The following HYOU1 variants were observed in gnomAD, a reference collection of about 807,000 sequenced individuals.
HYOU1 encodes the protein hypoxia up-regulated 1.
HYOU1 carries 40 observed loss-of-function variants against 120.5 expected under a neutral mutation model. That is an observed-to-expected ratio of 0.33 (90% CI 0.26 to 0.43). The LOEUF (loss-of-function observed/expected upper bound fraction) is 0.43. Among genes scored for constraint, HYOU1 ranks in the 20% least tolerant of loss-of-function variants. The pLI, the probability that HYOU1 is intolerant of heterozygous loss-of-function variation, is 1.00. For synonymous variants in HYOU1, 501 were observed against 479.4 expected (o/e 1.05, Z -0.59); for missense variants, 1,085 against 1,278.3 (o/e 0.85, Z 2.31).
Position 119,046,729 on chromosome 11 carries a change from T to C in HYOU1, c.2669A>G (p.Asp890Gly). The C allele has an allele frequency of 1.2e-6, 2 of 1,610,436 alleles. No homozygotes were observed. The highest frequency in any genetic ancestry group is 1.7e-6 in the Non-Finnish European group (2 of 1,180,012). The stretch of plus-strand genomic sequence containing the variant: ...CAGGGCCATCATCTTAGCTTCAATG[T>C]CTTTTGAGAGCAACACAGGCTTCTC... ...ATEKPVLLSK[D>G]IEAKMMALDR... is the part of the protein sequence containing the mutation. The change falls in exon 23 of 26, where the codon GAC becomes GGC. Residue 890 changes from aspartate (D) to glycine (G), a missense_variant. Asp to Gly is a moderately conservative substitution (Grantham distance 94). Around this residue, in one of 4 missense-constraint regions of HYOU1, gnomAD observed 516 missense variants for 517.1 expected, o/e 1.00. Coordinates refer to ENST00000617285, the MANE Select transcript of HYOU1 (RefSeq NM_006389.5).
chr11:119,055,483 G>C lies in HYOU1; in HGVS notation c.264+10C>G. On this transcript the variant is annotated intron_variant, in intron 4 of 25. Transcript: ENST00000617285. The surrounding 1 kb of genome is among the most constrained non-coding windows in gnomAD (Gnocchi z 4.0). Reference sequence around the variant, plus strand: ...GCCCACCACTCTGGGAAGAGGGACTGCTAGCTCACCATGCTTGCTGCACTG... The same window carrying C: ...GCCCACCACTCTGGGAAGAGGGACTCCTAGCTCACCATGCTTGCTGCACTG... 6.2e-7 allele frequency: 1 copy of C among 1,613,338 alleles called. No homozygotes were observed. Among genetic ancestry groups the C allele is most frequent in the South Asian group, 1.1e-5 (1 of 91,064 alleles).
chr11:119,049,989 C>T, intron 14 of HYOU1, 152 bp from the exon 15 acceptor site: 2 of 722,318 alleles, frequency 2.8e-6, no homozygotes, highest in South Asian at 1.6e-5. Flanking sequence ...GGTGGCTGCC[C>T]ATCTCCTTTG....
In HYOU1 at chr11:119,047,911, T is replaced by C. The variant is rs2133559296; in HGVS notation, c.2510+36A>G. ...TGGTAGGAATGAAAACCAGTGGCCT[T>C]GGCAGGACTGCAAAAAGGGTTCAGG... On this transcript the variant is annotated intron_variant, in intron 21 of 25. Coordinates refer to ENST00000617285, the MANE Select transcript of HYOU1 (RefSeq NM_006389.5). The C allele has an allele frequency of 3.1e-6, 5 of 1,613,784 alleles. No homozygotes were observed. In the African/African-American group the frequency reaches 6.7e-5, roughly 22 times the overall value.
chr11:119,051,385 G>A lies in HYOU1; in HGVS notation c.1526+53C>T, dbSNP rs1465986807. 5.1e-6 allele frequency: 8 copies of A among 1,581,830 alleles called. No homozygotes were observed. Among genetic ancestry groups the A allele is most frequent in the Non-Finnish European group, 6.1e-6 (7 of 1,155,374 alleles). ...TCACCCCCAGTCCTCAGATTATCCA[G>A]CAGCCACGCCTCCCCCTCCCTGGAG... On this transcript the variant is annotated intron_variant, in intron 13 of 25. Transcript: ENST00000617285. This position sits in a 1 kb window ranked among gnomAD's most constrained non-coding sequence, Gnocchi z 4.2.
rs568044056 is a variant in HYOU1 at position 119,051,687 on chromosome 11, G to T, written c.1339-62C>A. ...CTAGAGAACCCGAGTAGGTTCTGGG[G>T]TAAGGATGGGGGTGGGATGGGGGAG... On this transcript the variant is annotated intron_variant, in intron 12 of 25. Coordinates refer to ENST00000617285, the MANE Select transcript of HYOU1 (RefSeq NM_006389.5). This position sits in a 1 kb window ranked among gnomAD's most constrained non-coding sequence, Gnocchi z 4.2. The T allele has an allele frequency of 2.5e-6, 4 of 1,585,194 alleles. No individual in the cohort carries two copies. Among genetic ancestry groups the T allele is most frequent in the South Asian group, 1.1e-5 (1 of 89,818 alleles).
chr11:119,048,196 G>A lies in HYOU1; in HGVS notation c.2376+52C>T, dbSNP rs2133561616. 3 of 1,606,480 alleles carry A rather than the reference G, an allele frequency of 1.9e-6. No individual in the cohort carries two copies. The highest frequency in any genetic ancestry group is 4.5e-5 in the East Asian group (2 of 44,794). ...AGCTCTTCTCTCTCTCTGACCCTGG[G>A]AGAGGAAGGAGAGCTCCCACTCCAC... On this transcript the variant is annotated intron_variant, in intron 20 of 25. Transcript: ENST00000617285. The surrounding 1 kb of genome is among the most constrained non-coding windows in gnomAD (Gnocchi z 4.7).
rs1944225449 is a variant in HYOU1, at chr11:119,048,553, A to G, written c.2176T>C (p.Leu726=). 2 of 1,613,970 alleles carry G rather than the reference A, an allele frequency of 1.2e-6. No individual in the cohort carries two copies. Among genetic ancestry groups the G allele is most frequent in the Non-Finnish European group, 1.7e-6 (2 of 1,179,980 alleles). ...LAQSVQKLQD[L]TLRDLEKQER... ...TGCTTCTCCAGGTCTCGGAGTGTCAAGTCCTGAAGTCTATGGGACAAAGGA... is the reference window on the plus strand; with the variant it reads ...TGCTTCTCCAGGTCTCGGAGTGTCAGGTCCTGAAGTCTATGGGACAAAGGA... Residue 726 remains leucine (L), a synonymous_variant, in exon 19 of 26, where the codon TTG becomes CTG. Coordinates refer to ENST00000617285, the MANE Select transcript of HYOU1 (RefSeq NM_006389.5). The surrounding 1 kb of genome is among the most constrained non-coding windows in gnomAD (Gnocchi z 4.7).
chr11:119,054,462 C>A (rs2133605033), intron 7 of HYOU1, 32 bp downstream of exon 7: 1 of 1,608,000 alleles, frequency 6.2e-7, no homozygotes, highest in South Asian at 1.1e-5. Flanking sequence ...TTCAGTCACC[C>A]TGCATGTCTG....
At position 119,048,521 on chromosome 11, in the gene HYOU1, C is replaced by T. The variant is rs2133565044; in HGVS notation, c.2208G>A (p.Arg736=). 1 of 1,614,072 alleles carries T rather than the reference C, an allele frequency of 6.2e-7. No individual in the cohort carries two copies. The highest frequency in any genetic ancestry group is 2.2e-5 in the East Asian group (1 of 44,886). ...LTLRDLEKQE[R]EKAANSLEAF... is the part of the protein sequence containing the mutation. The stretch of plus-strand genomic sequence containing the variant: ...CTTCCAAGCTGTTGGCAGCTTTTTC[C>T]CGTTCCTGCTTCTCCAGGTCTCGGA... The change falls in exon 19 of 26, where the codon CGG becomes CGA. Residue 736 remains arginine, a synonymous_variant. Transcript: ENST00000617285. This position sits in a 1 kb window ranked among gnomAD's most constrained non-coding sequence, Gnocchi z 4.7.
chr11:119,053,854 C>A, intron 8 of HYOU1: 1 of 358,056 alleles, frequency 2.8e-6, no homozygotes, highest in Non-Finnish European at 5.1e-6. Flanking sequence ...ATGATTGAAT[C>A]TGACACCCTA....
Position 119,048,472 on chromosome 11 carries a change from T to A in HYOU1, c.2253+4A>T. The A allele has an allele frequency of 6.2e-7, 1 of 1,613,936 alleles. No homozygotes were observed. Among genetic ancestry groups the A allele is most frequent in the Non-Finnish European group, 8.5e-7 (1 of 1,179,988 alleles). On this transcript the variant is annotated splice_donor_region_variant and intron_variant, in intron 19 of 25. Transcript: ENST00000617285. The surrounding 1 kb of genome is among the most constrained non-coding windows in gnomAD (Gnocchi z 4.7). ...GGGGGGGCTGCTGCCTCCTGCCCAC[T>A]GACCTGGGTCTCAAATATGAATGCT...
rs138471161 is a variant in HYOU1 at position 119,052,114 on chromosome 11, T to G, written c.1181A>C (p.Glu394Ala). ...GGATRVPRVQ[E>A]VLLKAVGKEE... ...CTTGCCCACGGCCTTCAGCAGCACC[T>G]CCTGAACTCTGGGGACCCGAGTGGC... The change falls in exon 11 of 26, where the codon GAG (glutamate) becomes GCG (alanine). Residue 394 changes from glutamate (E) to alanine (A), a missense_variant. Physicochemically the swap from Glu to Ala is moderately radical, Grantham distance 107. Transcript: ENST00000617285. The surrounding 1 kb of genome is among the most constrained non-coding windows in gnomAD (Gnocchi z 5.0). 8.7e-6 allele frequency: 14 copies of G among 1,614,098 alleles called. No homozygotes were observed. The highest frequency in any genetic ancestry group is 1.2e-5 in the Non-Finnish European group (14 of 1,180,020).
Position 119,044,350 on chromosome 11 carries a change from T to G in HYOU1, c.*1243A>C, listed in dbSNP as rs939347761. 6.8e-6 allele frequency: 1 copy of G among 146,970 alleles called. No homozygotes were observed. Among genetic ancestry groups the G allele is most frequent in the African/African-American group, 2.5e-5 (1 of 39,348 alleles). The allele number at this position is 146,970 out of a possible 1,614,324, so 9.1% of individuals were successfully genotyped here. A position where few individuals can be genotyped will look rare whatever the true frequency, so the allele number is the denominator to read the frequency against. The stretch of plus-strand genomic sequence containing the variant: ...GGGTGGGACCCTTAGGTCCCATCTC[T>G]GCCAATGTGGCAAAAAAAAAAAAAA... On this transcript the variant is annotated 3_prime_UTR_variant, in exon 26 of 26. Coordinates refer to ENST00000617285, the MANE Select transcript of HYOU1 (RefSeq NM_006389.5).
Position 119,047,939 on chromosome 11 carries a change from C to T in HYOU1, c.2510+8G>A. 6.2e-7 allele frequency: 1 copy of T among 1,614,166 alleles called. No individual in the cohort carries two copies. The highest frequency in any genetic ancestry group is 8.5e-7 in the Non-Finnish European group (1 of 1,180,022). On this transcript the variant is annotated splice_region_variant and intron_variant, in intron 21 of 25. Coordinates refer to ENST00000617285, the MANE Select transcript of HYOU1 (RefSeq NM_006389.5). ...CAGGACTGCAAAAAGGGTTCAGGGGCTGCTCACTTGAGGAACATGCTGGAA... is the reference window on the plus strand; with the variant it reads ...CAGGACTGCAAAAAGGGTTCAGGGGTTGCTCACTTGAGGAACATGCTGGAA...
At position 119,048,719 on chromosome 11, in the gene HYOU1, C is replaced by T. The variant is rs1268314945; in HGVS notation, c.2160G>A (p.Val720=). Residue 720 remains valine, a synonymous_variant, in exon 18 of 26, where the codon GTG becomes GTA. Coordinates refer to ENST00000617285, the MANE Select transcript of HYOU1 (RefSeq NM_006389.5). This position sits in a 1 kb window ranked among gnomAD's most constrained non-coding sequence, Gnocchi z 4.7. ...CACCAGCTGTCCTCACTTACTTCTG[C>T]ACCGACTGAGCCAGCTTATCCTCTG... ...DLPEDKLAQS[V]QKLQDLTLRD... The T allele has an allele frequency of 1.2e-6, 2 of 1,610,060 alleles. No individual in the cohort carries two copies. Among genetic ancestry groups the T allele is most frequent in the African/African-American group, 1.3e-5 (1 of 74,980 alleles).
chr11:119,054,656 T>C lies in HYOU1; in HGVS notation c.516A>G (p.Ala172=), dbSNP rs1944643923. 6.2e-7 allele frequency: 1 copy of C among 1,612,938 alleles called. No homozygotes were observed. Among genetic ancestry groups the C allele is most frequent in the East Asian group, 2.2e-5 (1 of 44,882 alleles). ...TGAAGAAGACTGGCACGGTGATCAC[T>C]GCATCCTTGATGGGCTGCTCTACAG... The part of the protein sequence containing the change: ...EDFAEQPIKD[A]VITVPVFFNQ... Residue 172 remains alanine, a synonymous_variant, in exon 7 of 26, where the codon GCA becomes GCG. Coordinates refer to ENST00000617285, the MANE Select transcript of HYOU1 (RefSeq NM_006389.5).
At chr11:119,047,337 G>A (rs2133556320) in intron 22 of HYOU1, 5 of 222,310 alleles carry the variant, frequency 2.2e-5, no homozygotes, top group Non-Finnish European at 3.6e-5. Flanking sequence ...GTGAGCCACC[G>A]CGCCCAGCTG....
chr11:119,053,642 CT>C, intron 8 of HYOU1: 1 of 153,086 alleles, frequency 6.5e-6, no homozygotes, highest in South Asian at 2.1e-4. Flanking sequence ...GTTTTTAATT[CT>C]GCAAATAAGA....
intron 8 of HYOU1, chr11:119,053,674 G>C (rs1025700403): frequency 1.9e-5 from 3 of 153,864 alleles, no homozygotes; most frequent in African/African-American, 7.2e-5. Context: ...ACTTGGGCTG[G>C]GTGGTAATGG....
Sources: allele counts gnomAD v4.1 joint callset, GRCh38; gene constraint gnomAD v4.1.1; regional missense constraint gnomAD v4.1.1; non-coding constraint Gnocchi (gnomAD v3.1); transcripts MANE v1.5; gene names NCBI Gene and HGNC (gene_info 2026-07-23, HGNC 2026-07-21).